The following GRM5 variants were observed in gnomAD, a reference collection of about 807,000 sequenced individuals.
The protein encoded by GRM5 is metabotropic glutamate receptor 5.
GRM5 carries 19 observed loss-of-function variants against 83.1 expected under a neutral mutation model. The observed-to-expected ratio is 0.23, with a 90% CI of 0.16 to 0.34. The LOEUF (loss-of-function observed/expected upper bound fraction) is 0.34. Among genes scored for constraint, GRM5 ranks in the 10% least tolerant of loss-of-function variants. The pLI, the probability that GRM5 is intolerant of heterozygous loss-of-function variation, is 1.00. For synonymous variants in GRM5, 675 were observed against 633.6 expected, an observed-to-expected ratio of 1.07 and a Z score of -0.98; for missense variants, 1,160 against 1,588.3, an observed-to-expected ratio of 0.73 and a Z score of 4.58.
intron 3 of GRM5, among the ~76,000 whole-genome samples, chr11:88,745,628 G>A (rs1271866347): frequency 2.0e-5 from 3 of 152,058 alleles, no homozygotes; most frequent in African/African-American, 7.2e-5. Flanking sequence ...AAACTTTTAT[G>A]TTTCTTTTCT....
chr11:89,000,240 A>G (rs1039091730), intron 2 of GRM5, among the ~76,000 whole-genome samples: 2 of 152,214 alleles, frequency 1.3e-5, no homozygotes, highest in Admixed American at 6.5e-5. Context: ...AAGTATAACA[A>G]TAATTAAAAA....
In GRM5 at chr11:88,508,147, T is replaced by C. The variant is rs1334092709; in HGVS notation, c.*445A>G. The C allele has an allele frequency of 1.3e-5, 2 of 153,106 alleles. No homozygotes were observed. The highest frequency in any genetic ancestry group is 4.8e-5 in the African/African-American group (2 of 41,470). The allele number at this position is 153,106 out of a possible 1,614,324, so 9.5% of individuals were successfully genotyped here. A position where few individuals can be genotyped will look rare whatever the true frequency, so the allele number is the denominator to read the frequency against. ...GTTTTGGTCCCAGATTTTGAGTTTGTTAGAAAATGTACATTCATGTTTGGT... is the reference window on the plus strand; with the variant it reads ...GTTTTGGTCCCAGATTTTGAGTTTGCTAGAAAATGTACATTCATGTTTGGT... On this transcript the variant is annotated 3_prime_UTR_variant, in exon 10 of 10. Transcript: ENST00000305447. This position sits in a 1 kb window ranked among gnomAD's most constrained non-coding sequence, Gnocchi z 4.2.
At chr11:88,737,902 A>G (rs1210631601) in intron 3 of GRM5, among the ~76,000 whole-genome samples, 2 of 152,068 alleles carry the variant, frequency 1.3e-5, no homozygotes, top group African/African-American at 4.8e-5. Flanking sequence ...CAGTTATACA[A>G]TCCTATAATT....
At chr11:88,594,515 A>G (rs1937747009) in intron 6 of GRM5, among the ~76,000 whole-genome samples, 1 of 152,348 alleles carries the variant, frequency 6.6e-6, no homozygotes, top group African/African-American at 2.4e-5. Context: ...TTACAAAGAC[A>G]GGTAGTAGGT....
At chr11:88,964,400 A>G (rs1337312230) in intron 2 of GRM5, among the ~76,000 whole-genome samples, 1 of 151,986 alleles carries the variant, frequency 6.6e-6, no homozygotes, top group Non-Finnish European at 1.5e-5. Flanking sequence ...GACTCTCCAG[A>G]CTTAAAACTA....
At chr11:88,625,228 C>T (rs1477182583) in intron 4 of GRM5, among the ~76,000 whole-genome samples, 1 of 152,092 alleles carries the variant, frequency 6.6e-6, no homozygotes, top group Non-Finnish European at 1.5e-5. Flanking sequence ...CTACCTCACT[C>T]AGAGAACAGG....
intron 3 of GRM5, among the ~76,000 whole-genome samples, chr11:88,697,878 T>C (rs1202474246): frequency 2.0e-5 from 3 of 152,198 alleles, no homozygotes; most frequent in African/African-American, 4.8e-5. Flanking sequence ...TTCCATTCAA[T>C]TGTGCTAACC....
chr11:88,869,425 G>A (rs937293999), intron 2 of GRM5, among the ~76,000 whole-genome samples: 15 of 151,556 alleles, frequency 9.9e-5, no homozygotes, highest in African/African-American at 3.4e-4. Flanking sequence ...AAGAACTCCA[G>A]CAATGCAATG....
rs1242698411 is a variant in GRM5 at position 88,773,666 on chromosome 11, A to C, written c.911+76240T>G. Among the ~76,000 whole-genome samples, 4 of 152,204 alleles carry C rather than the reference A, an allele frequency of 2.6e-5. 1 individual carries two copies. The South Asian group carries it at 8.3e-4, about 31-fold the overall frequency. On this transcript the variant is annotated intron_variant, in intron 3 of 9. Coordinates refer to ENST00000305447, the MANE Select transcript of GRM5 (RefSeq NM_001143831.3). ...AAGGGATCCAGTTTCAGCTTTCTAC[A>C]TATGGCTAGCCAGCTTTCCCAGCAC...
chr11:88,668,509 A>C (rs1026479920), intron 3 of GRM5, among the ~76,000 whole-genome samples: 3 of 152,180 alleles, frequency 2.0e-5, no homozygotes, highest in African/African-American at 7.2e-5. Context: ...AAATAAAGAC[A>C]AAATGTAGGC....
intron 2 of GRM5, among the ~76,000 whole-genome samples, chr11:88,969,964 C>G (rs1476426090): frequency 2.0e-5 from 3 of 152,064 alleles, no homozygotes; most frequent in Non-Finnish European, 4.4e-5. Context: ...GGAACATAAT[C>G]TTATTTCCTG....
At chr11:88,620,546 A>C (rs1591387712) in intron 4 of GRM5, among the ~76,000 whole-genome samples, 1 of 152,208 alleles carries the variant, frequency 6.6e-6, no homozygotes, top group East Asian at 1.9e-4. Flanking sequence ...AGAGAAATGA[A>C]TGTTGTAATG....
At chr11:88,583,673 A>G (rs978568477) in intron 7 of GRM5, among the ~76,000 whole-genome samples, 2 of 152,178 alleles carry the variant, frequency 1.3e-5, no homozygotes, top group African/African-American at 4.8e-5. Flanking sequence ...TAGAGCTCTT[A>G]CTACTTATAT....
intron 2 of GRM5, among the ~76,000 whole-genome samples, chr11:88,970,267 G>T (rs755220418): frequency 4.6e-5 from 7 of 152,112 alleles, no homozygotes; most frequent in African/African-American, 1.7e-4. Flanking sequence ...ATAGTTCAAC[G>T]TGGGTGGCTC....
At chr11:88,512,301 A>G (rs1273528434) in intron 9 of GRM5, 1 of 154,420 alleles carries the variant, frequency 6.5e-6, no homozygotes, top group Non-Finnish European at 1.5e-5. Flanking sequence ...GAATAACGTG[A>G]AAGTGGACAC....
chr11:88,817,791 T>C (rs918973118), intron 3 of GRM5, among the ~76,000 whole-genome samples: 2 of 152,152 alleles, frequency 1.3e-5, no homozygotes, highest in Non-Finnish European at 2.9e-5. Context: ...ATAATAATCA[T>C]TATGCATAAG....
At chr11:88,885,466 T>G (rs1243982452) in intron 2 of GRM5, among the ~76,000 whole-genome samples, 2 of 142,916 alleles carry the variant, frequency 1.4e-5, no homozygotes, top group African/African-American at 5.2e-5. Flanking sequence ...TTTTTTTTTT[T>G]TTTTTTTTTT....
intron 2 of GRM5, among the ~76,000 whole-genome samples, chr11:88,986,227 G>C (rs1939705617): frequency 6.6e-6 from 1 of 152,048 alleles, no homozygotes; most frequent in African/African-American, 2.4e-5. Flanking sequence ...AGAGAGTTAT[G>C]CTAAGTGAAA....
intron 2 of GRM5, among the ~76,000 whole-genome samples, chr11:89,035,074 AAATG>A (rs1302379410): frequency 9.2e-5 from 14 of 151,806 alleles, no homozygotes; most frequent in African/African-American, 2.4e-4. Context: ...AAATTATAAG[AAATG>A]AATGAATGTA....
Sources: allele counts gnomAD v4.1 joint callset (sites outside exome capture counted in the v4.1 genomes callset), GRCh38; gene constraint gnomAD v4.1.1; non-coding constraint Gnocchi (gnomAD v3.1); transcripts MANE v1.5; gene names NCBI Gene and HGNC (gene_info 2026-07-23, HGNC 2026-07-21).